SMYD4: variants seen among roughly 807,000 people sequenced by gnomAD.
The protein encoded by SMYD4 is SET and MYND domain containing 4, also known as protein-lysine N-methyltransferase SMYD4.
Under a neutral mutation model 72.8 loss-of-function variants are expected in SMYD4, and 68 were observed. The ratio of observed to expected loss-of-function variants is 0.93; its 90% CI spans 0.77 to 1.14. The LOEUF is 1.14. Among genes scored for constraint, SMYD4 ranks in the 50% most tolerant of loss-of-function variants. SMYD4 has a pLI of 0.00. For missense variants in SMYD4, 984 were observed against 1,003.7 expected (o/e 0.98, Z 0.27); for synonymous variants, 407 against 388.6 (o/e 1.05, Z -0.56).
intron 2 of SMYD4, among the ~76,000 whole-genome samples, chr17:1,813,896 T>C (rs972448270): frequency 6.6e-6 from 1 of 152,082 alleles, no homozygotes. Flanking sequence ...TAGAATAACC[T>C]AGACTATTCT....
chr17:1,801,698 C>T (rs1407855909), intron 4 of SMYD4, among the ~76,000 whole-genome samples: 5 of 149,760 alleles, frequency 3.3e-5, no homozygotes, highest in African/African-American at 4.9e-5. Context: ...CTCTGCTGGC[C>T]GGGTGCGGTG....
At chr17:1,794,105 A>ATATATATTTTTTTTT (rs1291818005) in intron 5 of SMYD4, among the ~76,000 whole-genome samples, 1 of 12,992 alleles carries the variant, frequency 7.7e-5, no homozygotes, top group Non-Finnish European at 1.4e-4. Context: ...ATATATATAT[A>ATATATATTTTTTTTT]TTTTTTTTTT....
Position 1,781,284 on chromosome 17 carries a change from C to G in SMYD4, c.*2G>C. On this transcript the variant is annotated 3_prime_UTR_variant, in exon 11 of 11. Transcript: ENST00000305513. ...TCTGTGGGTCAAAATCCTCCTGGAA[C>G]CCTACAATGCAGGCCCTACAGGGGT... is the stretch of plus-strand genomic sequence containing the variant. The G allele has an allele frequency of 6.2e-7, 1 of 1,611,258 alleles. No homozygotes were observed. The highest frequency in any genetic ancestry group is 1.1e-5 in the South Asian group (1 of 90,806).
intron 5 of SMYD4, among the ~76,000 whole-genome samples, chr17:1,799,015 T>TA (rs1168418215): frequency 5.3e-5 from 8 of 152,082 alleles, no homozygotes; most frequent in Admixed American, 3.9e-4. Context: ...CTCATGCCTA[T>TA]AATCCCAGCA....
chr17:1,825,032 A>G (rs779141854), intron 2 of SMYD4, among the ~76,000 whole-genome samples: 33 of 152,124 alleles, frequency 2.2e-4, no homozygotes, highest in Non-Finnish European at 3.5e-4. Context: ...CCATGATGGT[A>G]AGTTTCCTGA....
chr17:1,801,169 T>C, intron 4 of SMYD4, 145 bp from the exon 5 acceptor site: 3 of 693,854 alleles, frequency 4.3e-6, no homozygotes, highest in Non-Finnish European at 7.2e-6. Context: ...AATCATATAG[T>C]TCTGTGTGAT....
intron 5 of SMYD4, among the ~76,000 whole-genome samples, chr17:1,788,021 T>C (rs766667239): frequency 6.6e-6 from 1 of 152,122 alleles, no homozygotes; most frequent in Non-Finnish European, 1.5e-5. Context: ...TGGTCTTTGG[T>C]TGGTTAACAG....
At chr17:1,822,138 G>A in intron 2 of SMYD4, among the ~76,000 whole-genome samples, 1 of 151,510 alleles carries the variant, frequency 6.6e-6, no homozygotes, top group East Asian at 1.9e-4. Flanking sequence ...GGAGACTGAG[G>A]CAAGATAATC....
chr17:1,784,805 C>T (rs1047731678), intron 7 of SMYD4, among the ~76,000 whole-genome samples: 2 of 151,866 alleles, frequency 1.3e-5, no homozygotes, highest in Non-Finnish European at 1.5e-5. Flanking sequence ...GAGTCTCGCT[C>T]GGTCTCCAGG....
At chr17:1,822,059 T>C (rs1910919290) in intron 2 of SMYD4, among the ~76,000 whole-genome samples, 1 of 152,038 alleles carries the variant, frequency 6.6e-6, no homozygotes, top group Admixed American at 6.6e-5. Context: ...ACCCTGTCTC[T>C]ACTAAAAATA....
intron 5 of SMYD4, 74 bp downstream of exon 5, chr17:1,799,783 G>T: frequency 7.2e-7 from 1 of 1,383,996 alleles, no homozygotes. Flanking sequence ...ATTTTCCTTT[G>T]GAATTGTTTC....
chr17:1,788,432 C>G (rs928726752), intron 5 of SMYD4, among the ~76,000 whole-genome samples: 1 of 151,898 alleles, frequency 6.6e-6, no homozygotes, highest in African/African-American at 2.4e-5. Flanking sequence ...TCTTTTCAGG[C>G]CCATAGTTTA....
Position 1,799,905 on chromosome 17 carries a change from A to C in SMYD4, c.1489T>G (p.Leu497Val). Residue 497 changes from leucine (L) to valine (V), a missense_variant, in exon 5 of 11, where the codon TTA (leucine) becomes GTA (valine). Leu to Val is a conservative substitution (Grantham distance 32, BLOSUM62 1). Coordinates refer to ENST00000305513, the MANE Select transcript of SMYD4 (RefSeq NM_052928.3). ...GCCTGAGCGTTACACTGAAGCTGTA[A>C]CATGTGTCTCAGCATCGCCACTCCC... is the stretch of plus-strand genomic sequence containing the variant. ...IWGVAMLRHMLQLQCNAQAMT... is the reference protein window; with the variant it reads ...IWGVAMLRHMVQLQCNAQAMT... The C allele has an allele frequency of 1.2e-6, 2 of 1,613,460 alleles. No individual in the cohort carries two copies. Among genetic ancestry groups the C allele is most frequent in the Non-Finnish European group, 1.7e-6 (2 of 1,179,570 alleles).
Position 1,783,380 on chromosome 17 carries a change from G to A in SMYD4, c.2117C>T (p.Ala706Val). The A allele has an allele frequency of 7.4e-6, 12 of 1,612,428 alleles. No homozygotes were observed. The highest frequency in any genetic ancestry group is 1.0e-5 in the Non-Finnish European group (12 of 1,180,030). ...TGTACCTAAGGCAGCACAGGCCCGG[G>A]CCAGGCCATCCGCGATCTCTCCCAC... Reference protein sequence around the residue: ...AVVGEIADGLARACAALGDWQ... With the variant: ...AVVGEIADGLVRACAALGDWQ... Residue 706 changes from alanine to valine, a missense_variant, in exon 9 of 11, where the codon GCC becomes GTC. Coordinates refer to ENST00000305513, the MANE Select transcript of SMYD4 (RefSeq NM_052928.3).
At position 1,779,621 on chromosome 17, in the gene SMYD4, A is replaced by G. The variant is rs959024942; in HGVS notation, c.*1665T>C. 1.3e-5 allele frequency: 2 copies of G among 152,258 alleles called. No individual in the cohort carries two copies. The highest frequency in any genetic ancestry group is 2.4e-5 in the African/African-American group (1 of 41,464). 9.4% of individuals were successfully genotyped at this position (152,258 alleles called of 1,614,324 possible). A position where few individuals can be genotyped will look rare whatever the true frequency, so the allele number is the denominator to read the frequency against. On this transcript the variant is annotated 3_prime_UTR_variant, in exon 11 of 11. Coordinates refer to ENST00000305513, the MANE Select transcript of SMYD4 (RefSeq NM_052928.3). ...CAAGAGTACAGAATGAAGGGCAGAG[A>G]GTAAGGACTGGAAAACTGGCAGGAA...
chr17:1,829,075 A>C (rs1281492773), intron 1 of SMYD4, among the ~76,000 whole-genome samples: 1 of 152,130 alleles, frequency 6.6e-6, no homozygotes, highest in East Asian at 1.9e-4. Flanking sequence ...TGCCATTGGC[A>C]CCACTCCCCA....
Position 1,781,425 on chromosome 17 carries a change from T to G in SMYD4, c.2276A>C (p.Glu759Ala), listed in dbSNP as rs373689649. The G allele has an allele frequency of 4.3e-6, 7 of 1,613,824 alleles. No homozygotes were observed. In the African/African-American group the frequency reaches 9.3e-5, roughly 22 times the overall value. Residue 759 changes from glutamate (E) to alanine (A), a missense_variant, in exon 11 of 11, where the codon GAA (glutamate) becomes GCA (alanine). By Grantham distance (107) the Glu-to-Ala change is moderately radical (BLOSUM62 -1). Transcript: ENST00000305513. ...AGCTTTCTGTATTGTGCTCAGGGCT[T>G]CGGGTACTGCAAACCTGAGCCAAGG... ...QIFFNGFAVP[E>A]ALSTIQKAEE...
At chr17:1,790,300 A>G (rs1908950821) in intron 5 of SMYD4, among the ~76,000 whole-genome samples, 5 of 152,212 alleles carry the variant, frequency 3.3e-5, no homozygotes, top group African/African-American at 2.4e-5. Context: ...TTTATGTCAG[A>G]GTTGAATAGC....
intron 3 of SMYD4, among the ~76,000 whole-genome samples, chr17:1,808,451 C>G (rs1910156636): frequency 6.6e-6 from 1 of 151,918 alleles, no homozygotes; most frequent in East Asian, 1.9e-4. Flanking sequence ...TGGACGTAAG[C>G]AAAAATGTTA....
Sources: allele counts gnomAD v4.1 joint callset (sites outside exome capture counted in the v4.1 genomes callset), GRCh38; gene constraint gnomAD v4.1.1; transcripts MANE v1.5; gene names NCBI Gene and HGNC (gene_info 2026-07-23, HGNC 2026-07-21).